The following DAB1 variants were observed in gnomAD, a reference collection of about 807,000 sequenced individuals.
The protein encoded by DAB1 is disabled homolog 1.
DAB1 carries 15 observed loss-of-function variants against 64.6 expected under a neutral mutation model. The ratio of observed to expected loss-of-function variants is 0.23; its 90% CI spans 0.16 to 0.36. The LOEUF (loss-of-function observed/expected upper bound fraction) is 0.36, where lower values mean the gene tolerates loss of function less well. DAB1 is among the 10% of genes least tolerant of loss of function. The pLI is 1.00. For synonymous variants in DAB1, 235 were observed against 251.9 expected (o/e 0.93, Z 0.64); for missense variants, 596 against 706.7 (o/e 0.84, Z 1.78).
intron 1 of DAB1, among the ~76,000 whole-genome samples, chr1:57,347,456 C>T (rs141965502): frequency 3.7e-4 from 57 of 152,288 alleles, no homozygotes; most frequent in African/African-American, 1.3e-3. Flanking sequence ...TGAAAGAGCT[C>T]TGTAAACTCT....
chr1:57,779,858 TC>T (rs2101841403), intron 6 of DAB1, among the ~76,000 whole-genome samples: 1 of 152,274 alleles, frequency 6.6e-6, no homozygotes, highest in African/African-American at 2.4e-5. Context: ...CTCCAGTTTT[TC>T]CATGGATACT....
intron 3 of DAB1, among the ~76,000 whole-genome samples, chr1:58,479,121 C>A (rs912630742): frequency 6.6e-6 from 1 of 152,102 alleles, no homozygotes; most frequent in Non-Finnish European, 1.5e-5. Context: ...ATGAACAACA[C>A]AATTAGAAGT....
chr1:58,282,436 C>A (rs1661583663), intron 4 of DAB1, among the ~76,000 whole-genome samples: 1 of 152,122 alleles, frequency 6.6e-6, no homozygotes, highest in Non-Finnish European at 1.5e-5. Context: ...TCCCTATGCC[C>A]TCTCATTTTC....
intron 1 of DAB1, among the ~76,000 whole-genome samples, chr1:57,389,687 T>C (rs1426500213): frequency 6.6e-6 from 1 of 152,154 alleles, no homozygotes; most frequent in Non-Finnish European, 1.5e-5. Flanking sequence ...TACTAATGCA[T>C]AGTACATGGG....
intron 2 of DAB1, among the ~76,000 whole-genome samples, chr1:57,237,578 C>T (rs140380091): frequency 6.6e-6 from 1 of 152,316 alleles, no homozygotes; most frequent in Admixed American, 6.5e-5. Context: ...AAGAAATACT[C>T]TAAGCGAAAA....
intron 6 of DAB1, among the ~76,000 whole-genome samples, chr1:57,735,133 C>A (rs959500668): frequency 6.6e-6 from 1 of 152,084 alleles, no homozygotes; most frequent in Non-Finnish European, 1.5e-5. Flanking sequence ...CATTTCCATT[C>A]CAAAGCATAA....
chr1:58,374,556 A>G (rs1644304542), intron 3 of DAB1, among the ~76,000 whole-genome samples: 1 of 148,984 alleles, frequency 6.7e-6, no homozygotes, highest in South Asian at 2.2e-4. Context: ...TTTTGGTACC[A>G]GTACCATGCT....
intron 7 of DAB1, among the ~76,000 whole-genome samples, chr1:57,457,374 A>C (rs1686636845): frequency 6.6e-6 from 1 of 152,154 alleles, no homozygotes; most frequent in African/African-American, 2.4e-5. Flanking sequence ...TTGTTAGCAA[A>C]AACTAGGTCT....
At chr1:58,038,960 T>A (rs1265053765) in intron 5 of DAB1, among the ~76,000 whole-genome samples, 1 of 152,174 alleles carries the variant, frequency 6.6e-6, no homozygotes, top group Non-Finnish European at 1.5e-5. Context: ...AATTTCTTAC[T>A]GGCCATCCCA....
chr1:57,439,909 A>G (rs1685875771), intron 7 of DAB1, among the ~76,000 whole-genome samples: 1 of 152,164 alleles, frequency 6.6e-6, no homozygotes, highest in African/African-American at 2.4e-5. Context: ...AGTTTCCTTC[A>G]GTGGAAAACA....
chr1:57,171,762 T>C (rs1226560524), intron 2 of DAB1, among the ~76,000 whole-genome samples: 1 of 152,228 alleles, frequency 6.6e-6, no homozygotes, highest in Admixed American at 6.5e-5. Context: ...CTGCACAGTT[T>C]ATGTCCTGCA....
intron 2 of DAB1, among the ~76,000 whole-genome samples, chr1:57,200,708 A>G (rs900099580): frequency 4.6e-5 from 7 of 152,238 alleles, no homozygotes; most frequent in Non-Finnish European, 1.0e-4. Context: ...GACCAGCCCC[A>G]CAGTGATTTC....
At chr1:57,011,995 G>A (rs1231325932) in intron 12 of DAB1, among the ~76,000 whole-genome samples, 2 of 152,128 alleles carry the variant, frequency 1.3e-5, no homozygotes, top group South Asian at 4.1e-4. Flanking sequence ...TAAGGACAAA[G>A]GATACGCATT....
intron 1 of DAB1, among the ~76,000 whole-genome samples, chr1:57,881,223 C>G (rs901379006): frequency 1.3e-5 from 2 of 152,170 alleles, no homozygotes; most frequent in East Asian, 3.9e-4. Context: ...TCTCCCTATC[C>G]TAGGGAACAC....
intron 5 of DAB1, among the ~76,000 whole-genome samples, chr1:58,033,897 AG>A (rs2100487240): frequency 6.6e-6 from 1 of 152,222 alleles, no homozygotes; most frequent in Admixed American, 6.5e-5. Context: ...ACCCATGCAT[AG>A]TGCTATGATA....
chr1:57,079,238 T>C (rs1185673175), intron 4 of DAB1, among the ~76,000 whole-genome samples: 1 of 152,162 alleles, frequency 6.6e-6, no homozygotes, highest in Non-Finnish European at 1.5e-5. Flanking sequence ...TTTAATAAGA[T>C]GGTTTTTTCT....
intron 6 of DAB1, among the ~76,000 whole-genome samples, chr1:57,755,634 A>G (rs1569584025): frequency 1.3e-5 from 2 of 152,316 alleles, no homozygotes; most frequent in East Asian, 3.9e-4. Context: ...CCAGAGTGAC[A>G]TGTTCTCAGG....
intron 4 of DAB1, among the ~76,000 whole-genome samples, chr1:58,259,157 G>T (rs1660997115): frequency 6.6e-6 from 1 of 152,084 alleles, no homozygotes; most frequent in Non-Finnish European, 1.5e-5. Flanking sequence ...TTTCTTGTAG[G>T]GATATGCTAT....
intron 4 of DAB1, among the ~76,000 whole-genome samples, chr1:58,198,513 G>T (rs1178565007): frequency 5.3e-5 from 8 of 152,192 alleles, no homozygotes; most frequent in Admixed American, 2.0e-4. Context: ...TCACAAAAAA[G>T]GTCATTACAT....
Sources: allele counts gnomAD v4.1 joint callset (sites outside exome capture counted in the v4.1 genomes callset), GRCh38; gene constraint gnomAD v4.1.1; transcripts MANE v1.5; gene names NCBI Gene and HGNC (gene_info 2026-07-23, HGNC 2026-07-21).